Variants in MCPH1 observed in about 807,000 individuals in gnomAD.
MCPH1 encodes microcephalin 1, also known as microcephalin.
A neutral mutation model predicts 84.5 loss-of-function variants in MCPH1; 104 were observed. The observed-to-expected ratio is 1.23, with a 90% CI of 1.05 to 1.45. MCPH1 has a LOEUF of 1.45. MCPH1 is among the 40% of genes most tolerant of loss of function. The pLI is 0.00. For missense variants in MCPH1, 1,498 were observed against 1,005.7 expected (o/e 1.49, Z -6.62); for synonymous variants, 514 against 366.8 (o/e 1.40, Z -4.58).
chr8:6,562,654 A>G, intron 12 of MCPH1: 1 of 1,475,816 alleles, frequency 6.8e-7, no homozygotes, highest in Non-Finnish European at 9.2e-7. Flanking sequence ...TACCTTCATT[A>G]GCCACTGAGT....
intron 9 of MCPH1, among the ~76,000 whole-genome samples, chr8:6,464,170 C>A (rs900371608): frequency 6.6e-6 from 1 of 152,130 alleles, no homozygotes; most frequent in African/African-American, 2.4e-5. Context: ...TCTGTAAGAT[C>A]GAAGGTGCCC....
chr8:6,642,849 C>T, intron 13 of MCPH1, 145 bp from the exon 14 acceptor site: 1 of 733,142 alleles, frequency 1.4e-6, no homozygotes, highest in South Asian at 1.5e-5. Context: ...GGTATGTGTG[C>T]TCTATGGACG....
intron 11 of MCPH1, among the ~76,000 whole-genome samples, chr8:6,481,886 G>T (rs60708056): frequency 2.6e-3 from 394 of 152,244 alleles, no homozygotes; most frequent in African/African-American, 7.5e-3. Flanking sequence ...GTAGTTTCAG[G>T]TACCATGGTC....
At chr8:6,542,538 C>T (rs933519807) in intron 12 of MCPH1, among the ~76,000 whole-genome samples, 3 of 152,052 alleles carry the variant, frequency 2.0e-5, no homozygotes, top group African/African-American at 7.2e-5. Flanking sequence ...AACTTAAACC[C>T]TGGTCTCCCA....
intron 12 of MCPH1, among the ~76,000 whole-genome samples, chr8:6,512,945 C>G (rs1271737853): frequency 6.6e-6 from 1 of 152,194 alleles, no homozygotes; most frequent in African/African-American, 2.4e-5. Context: ...AGATTGAAGA[C>G]AATTGAATGT....
chr8:6,604,276 C>T (rs1450873689), intron 12 of MCPH1, among the ~76,000 whole-genome samples: 4 of 152,140 alleles, frequency 2.6e-5, no homozygotes, highest in Non-Finnish European at 4.4e-5. Flanking sequence ...CCCTGGAGGC[C>T]GGCAATGTGC....
chr8:6,441,295 A>G (rs766850106), intron 6 of MCPH1, among the ~76,000 whole-genome samples: 84 of 152,176 alleles, frequency 5.5e-4, no homozygotes, highest in Non-Finnish European at 2.5e-4. Context: ...TACTTTTTCT[A>G]TTACTTGGCA....
At chr8:6,447,839 G>A (rs912928776) in intron 8 of MCPH1, among the ~76,000 whole-genome samples, 23 of 152,190 alleles carry the variant, frequency 1.5e-4, no homozygotes, top group African/African-American at 5.3e-4. Flanking sequence ...GTGAGCTACC[G>A]CGCCCGGCCA....
intron 12 of MCPH1, chr8:6,527,564 T>C: frequency 1.9e-6 from 3 of 1,613,844 alleles, no homozygotes; most frequent in Non-Finnish European, 2.5e-6. Context: ...CCTGTTCTTA[T>C]CTTGCAATTT....
intron 2 of MCPH1, among the ~76,000 whole-genome samples, chr8:6,411,433 C>T (rs562981718): frequency 6.6e-5 from 10 of 152,200 alleles, no homozygotes; most frequent in East Asian, 5.8e-4. Context: ...AATTTTCAGC[C>T]GTAAAGTGCA....
At chr8:6,622,226 C>G (rs1831511318) in intron 13 of MCPH1, 1 of 174,926 alleles carries the variant, frequency 5.7e-6, no homozygotes, top group Admixed American at 5.4e-5. Flanking sequence ...CGTAATGTCC[C>G]ACTCTGGCGT....
intron 9 of MCPH1, among the ~76,000 whole-genome samples, chr8:6,475,956 T>G (rs574790678): frequency 7.9e-5 from 12 of 152,068 alleles, no homozygotes; most frequent in Non-Finnish European, 1.6e-4. Flanking sequence ...CATTGAGGAC[T>G]GGGGGTGGCA....
chr8:6,447,712 G>A (rs1180233008), intron 8 of MCPH1, among the ~76,000 whole-genome samples: 2 of 152,044 alleles, frequency 1.3e-5, no homozygotes, highest in Non-Finnish European at 2.9e-5. Context: ...ACCATGCCCA[G>A]CTAATTTTGT....
intron 8 of MCPH1, among the ~76,000 whole-genome samples, chr8:6,451,193 G>T (rs1368202383): frequency 2.0e-5 from 3 of 152,190 alleles, no homozygotes; most frequent in Non-Finnish European, 4.4e-5. Context: ...ACTCACTGGG[G>T]CTGCAAAACT....
intron 12 of MCPH1, among the ~76,000 whole-genome samples, chr8:6,538,105 C>A (rs540283515): frequency 1.3e-5 from 2 of 152,106 alleles, no homozygotes; most frequent in Non-Finnish European, 2.9e-5. Flanking sequence ...CACACACATA[C>A]ACGTTTTTCT....
chr8:6,600,820 T>A (rs1829302399), intron 12 of MCPH1, among the ~76,000 whole-genome samples: 1 of 152,176 alleles, frequency 6.6e-6, no homozygotes, highest in South Asian at 2.1e-4. Context: ...TCAGTTCCTT[T>A]ACAGCTATGG....
chr8:6,471,403 A>G (rs1037702083), intron 9 of MCPH1, among the ~76,000 whole-genome samples: 2 of 152,174 alleles, frequency 1.3e-5, no homozygotes, highest in Non-Finnish European at 2.9e-5. Flanking sequence ...GAAAAAAATG[A>G]TACTCAATTA....
rs1056043454 is a variant in MCPH1, at chr8:6,646,230, G to C, written c.*3181G>C. The C allele has an allele frequency of 2.0e-5, 3 of 152,158 alleles. No individual in the cohort carries two copies. The highest frequency in any genetic ancestry group is 7.2e-5 in the African/African-American group (3 of 41,430). The allele number at this position is 152,158 out of a possible 1,614,324, so 9.4% of individuals were successfully genotyped here. On this transcript the variant is annotated 3_prime_UTR_variant, in exon 14 of 14. Transcript: ENST00000344683. ...ACTTGAAGTCGGGAGTTTAAGACCA[G>C]CCTGGCCAACTTGGTGAAACCTTGT...
chr8:6,493,106 T>C (rs1810836355), intron 11 of MCPH1, among the ~76,000 whole-genome samples: 1 of 152,226 alleles, frequency 6.6e-6, no homozygotes, highest in Admixed American at 6.5e-5. Context: ...GTTATATTTA[T>C]TTCTTTGTTT....
Sources: allele counts gnomAD v4.1 joint callset (sites outside exome capture counted in the v4.1 genomes callset), GRCh38; gene constraint gnomAD v4.1.1; transcripts MANE v1.5; gene names NCBI Gene and HGNC (gene_info 2026-07-23, HGNC 2026-07-21).